DHCR7: variants seen among roughly 807,000 people sequenced by gnomAD.
The protein encoded by DHCR7 is 7-dehydrocholesterol reductase, also known as 7-DHC reductase.
Under a neutral mutation model 43.3 loss-of-function variants are expected in DHCR7, and 40 were observed. The ratio of observed to expected loss-of-function variants is 0.92; its 90% CI spans 0.72 to 1.20. The LOEUF is 1.20. Ranked by LOEUF, DHCR7 falls within the 50% of genes most tolerant of loss-of-function variation. DHCR7 has a pLI of 0.00. For synonymous variants in DHCR7, 298 were observed against 271.4 expected (o/e 1.10, Z -0.96); for missense variants, 608 against 644.6 (o/e 0.94, Z 0.62).
chr11:71,435,920 T>C (rs957961346), intron 8 of DHCR7, 81 bp from the exon 9 acceptor site: 22 of 1,225,598 alleles, frequency 1.8e-5, no homozygotes, highest in Non-Finnish European at 2.4e-5. Context: ...CCCAGCGGCC[T>C]GGGGTCAAAC....
intron 6 of DHCR7, 114 bp from the exon 7 acceptor site, chr11:71,439,197 A>G: frequency 9.6e-7 from 1 of 1,044,462 alleles, no homozygotes; most frequent in Non-Finnish European, 1.4e-6. Flanking sequence ...GTAACGTGAG[A>G]CGGCGCAGGC....
chr11:71,442,533 C>T (rs1949360138), intron 4 of DHCR7, among the ~76,000 whole-genome samples, 180 bp from the exon 5 acceptor site: 1 of 152,168 alleles, frequency 6.6e-6, no homozygotes, highest in Admixed American at 6.5e-5. Flanking sequence ...ATAAACTCAT[C>T]AACCAGGGAA....
chr11:71,432,137 TATCTACC>T (rs2135937442), downstream of DHCR7, among the ~76,000 whole-genome samples: 1 of 152,380 alleles, frequency 6.6e-6, no homozygotes, highest in Non-Finnish European at 1.5e-5. Context: ...AAAACTTTAT[TATCTACC>T]ATACTTGCAC....
Position 71,435,070 on chromosome 11 carries a change from C to T in DHCR7, c.*305G>A, listed in dbSNP as rs1458351015. 1.7e-6 allele frequency: 1 copy of T among 589,842 alleles called. No individual in the cohort carries two copies. The highest frequency in any genetic ancestry group is 3.2e-6 in the Non-Finnish European group (1 of 312,200). 36.5% of individuals were successfully genotyped at this position (589,842 alleles called of 1,614,324 possible). On this transcript the variant is annotated 3_prime_UTR_variant, in exon 9 of 9. Transcript: ENST00000355527. ...TGTAGCGTGGCCTGGGCTCCTAATA[C>T]AGGTAAATTGTCTCCAAAGGACTAG... is the stretch of plus-strand genomic sequence containing the variant.
chr11:71,445,655 C>T (rs1338343846), intron 2 of DHCR7, among the ~76,000 whole-genome samples: 1 of 152,140 alleles, frequency 6.6e-6, no homozygotes, highest in African/African-American at 2.4e-5. Flanking sequence ...CATGTAGGAC[C>T]ATCAATAATC....
chr11:71,447,073 G>A (rs749258169), intron 2 of DHCR7, among the ~76,000 whole-genome samples: 8 of 152,104 alleles, frequency 5.3e-5, no homozygotes, highest in Non-Finnish European at 1.2e-4. Flanking sequence ...CACTCCCTCC[G>A]ATCCCTAGTT....
chr11:71,443,898 C>G (rs1367929275), intron 4 of DHCR7, 95 bp downstream of exon 4: 9 of 1,025,718 alleles, frequency 8.8e-6, no homozygotes, highest in Non-Finnish European at 1.3e-5. Context: ...CAACCTGAGC[C>G]AGGATCCATG....
intron 6 of DHCR7, among the ~76,000 whole-genome samples, chr11:71,439,511 G>C (rs1304399259): frequency 6.6e-6 from 1 of 152,222 alleles, no homozygotes; most frequent in African/African-American, 2.4e-5. Context: ...GCCGACGCAG[G>C]GCACGTGGGC....
chr11:71,446,128 A>G (rs1949400628), intron 2 of DHCR7, among the ~76,000 whole-genome samples: 1 of 152,214 alleles, frequency 6.6e-6, no homozygotes, highest in African/African-American at 2.4e-5. Context: ...ATGAATGGCT[A>G]GGAAAGAGAG....
chr11:71,439,591 C>T (rs1171579153), intron 6 of DHCR7, among the ~76,000 whole-genome samples: 1 of 152,218 alleles, frequency 6.6e-6, no homozygotes, highest in African/African-American at 2.4e-5. Context: ...GGCCCGGCTT[C>T]CAGCATGTGC....
chr11:71,440,210 A>G (rs1949333765), intron 6 of DHCR7, among the ~76,000 whole-genome samples: 4 of 152,182 alleles, frequency 2.6e-5, no homozygotes, highest in Admixed American at 2.6e-4. Context: ...AGGGTAAGGG[A>G]GGCCGGTCAG....
At chr11:71,429,593 T>C (rs1565582387), downstream of DHCR7, among the ~76,000 whole-genome samples, 1 of 152,066 alleles carries the variant, frequency 6.6e-6, no homozygotes, top group Admixed American at 6.6e-5. Context: ...GGTTTTCGGT[T>C]AGAGCAACTG....
chr11:71,440,721 G>A (rs1210241048), intron 6 of DHCR7, among the ~76,000 whole-genome samples: 3 of 145,964 alleles, frequency 2.1e-5, no homozygotes, highest in African/African-American at 7.7e-5. Flanking sequence ...ATGGGTAGGG[G>A]GGTGGATGGG....
downstream of DHCR7, among the ~76,000 whole-genome samples, chr11:71,431,616 TAGTTTATTAAAA>T (rs1949228358): frequency 6.6e-6 from 1 of 152,196 alleles, no homozygotes; most frequent in South Asian, 2.1e-4. Context: ...CAGGAAGGTC[TAGTTTATTAAAA>T]ACAAATGCAT....
chr11:71,435,648 G>A lies in DHCR7; in HGVS notation c.1155C>T (p.Ala385=), dbSNP rs777517985. The change falls in exon 9 of 9, where the codon GCC becomes GCT. Residue 385 remains alanine (A), a synonymous_variant. Transcript: ENST00000355527. ...GCTTGCTGTGGTGCCTCTGCCCATC[G>A]GCGGATGTGTAGGAGCACTCGATGA... is the stretch of plus-strand genomic sequence containing the variant. ...PKVIECSYTS[A]DGQRHHSKLL... is the part of the protein sequence containing the mutation. The A allele has an allele frequency of 5.2e-5, 84 of 1,612,638 alleles. No individual in the cohort carries two copies. The highest frequency in any genetic ancestry group is 6.7e-5 in the Admixed American group (4 of 60,008).
rs1184941602 is a variant in DHCR7 at position 71,441,290 on chromosome 11, C to A, written c.563G>T (p.Gly188Val). The change falls in exon 6 of 9, where the codon GGC becomes GTC. Residue 188 changes from glycine to valine, a missense_variant. Coordinates refer to ENST00000355527, the MANE Select transcript of DHCR7 (RefSeq NM_001360.3). ...CATGGCGAAGGTGGAGACGGCATAG[C>A]CAAGGATGTTGGCGCACCACAGCAG... ...IPLLWCANILGYAVSTFAMVK... is the reference protein window; with the variant it reads ...IPLLWCANILVYAVSTFAMVK... 1.2e-6 allele frequency: 2 copies of A among 1,614,208 alleles called. No homozygotes were observed.
intron 6 of DHCR7, among the ~76,000 whole-genome samples, chr11:71,439,923 T>C (rs1366645686): frequency 2.0e-5 from 3 of 152,232 alleles, no homozygotes; most frequent in African/African-American, 7.2e-5. Context: ...AGCCTAGGTG[T>C]AAACCACACT....
chr11:71,441,270 C>T lies in DHCR7; in HGVS notation c.583G>A (p.Ala195Thr), dbSNP rs151170252. 21 of 1,614,138 alleles carry T rather than the reference C, an allele frequency of 1.3e-5. No homozygotes were observed. The highest frequency in any genetic ancestry group is 1.1e-4 in the African/African-American group (8 of 75,020). The change falls in exon 6 of 9, where the codon GCC (alanine) becomes ACC (threonine). Residue 195 changes from alanine to threonine, a missense_variant. Transcript: ENST00000355527. ...NILGYAVSTF[A>T]MVKGYFFPTS... ...GGGAAGAAGTAGCCCTTGACCATGG[C>T]GAAGGTGGAGACGGCATAGCCAAGG...
At chr11:71,433,237 T>C (rs1195382344), downstream of DHCR7, among the ~76,000 whole-genome samples, 1 of 152,250 alleles carries the variant, frequency 6.6e-6, no homozygotes, top group African/African-American at 2.4e-5. Context: ...GAATGCTCTC[T>C]GTACATGGAG....
Sources: allele counts gnomAD v4.1 joint callset (sites outside exome capture counted in the v4.1 genomes callset), GRCh38; gene constraint gnomAD v4.1.1; transcripts MANE v1.5; gene names NCBI Gene and HGNC (gene_info 2026-07-23, HGNC 2026-07-21).